ARHGEF26: variants seen among roughly 807,000 people sequenced by gnomAD.
The protein encoded by ARHGEF26 is Rho guanine nucleotide exchange factor 26, also known as Rho guanine nucleotide exchange factor (GEF) 26.
Under a neutral mutation model 89.4 loss-of-function variants are expected in ARHGEF26, and 59 were observed. The observed-to-expected ratio is 0.66, with a 90% CI of 0.54 to 0.82. The LOEUF is 0.82. Among genes scored for constraint, ARHGEF26 ranks in the 40% least tolerant of loss-of-function variants. The pLI is 0.00. For missense variants in ARHGEF26, 1,234 were observed against 1,085.6 expected (o/e 1.14, Z -1.92); for synonymous variants, 500 against 428.4 (o/e 1.17, Z -2.06).
intron 9 of ARHGEF26, among the ~76,000 whole-genome samples, chr3:154,210,631 G>A (rs564986183): frequency 1.3e-4 from 20 of 151,828 alleles, no homozygotes; most frequent in African/African-American, 3.6e-4. Flanking sequence ...TGCATTTGGC[G>A]CCAGGGTATG....
Position 154,194,729 on chromosome 3 carries a change from GGTGACA to G in ARHGEF26, c.1845+14_1845+19del. On this transcript the variant is annotated intron_variant, in intron 9 of 14. Coordinates refer to ENST00000465093, the MANE Select transcript of ARHGEF26 (RefSeq NM_015595.4). ...AAGGAAGTTAGCAAGGTAACTGTTG[GGTGACA>G]GTTTGTTTGTAAGACAGGAAACCAT... 6.2e-7 allele frequency: 1 copy of G among 1,606,694 alleles called. No homozygotes were observed. The highest frequency in any genetic ancestry group is 1.7e-5 in the Admixed American group (1 of 59,454).
intron 7 of ARHGEF26, among the ~76,000 whole-genome samples, chr3:154,190,813 C>A (rs1713910060): frequency 6.6e-6 from 1 of 152,170 alleles, no homozygotes; most frequent in African/African-American, 2.4e-5. Context: ...ATCTTTGTGG[C>A]CTAAAGCCTC....
At chr3:154,126,604 G>C (rs1317139211) in intron 3 of ARHGEF26, among the ~76,000 whole-genome samples, 1 of 152,160 alleles carries the variant, frequency 6.6e-6, no homozygotes. Flanking sequence ...ATGCTATCAT[G>C]ACAGTGTGAA....
chr3:154,185,383 A>G (rs1201426328), intron 6 of ARHGEF26, among the ~76,000 whole-genome samples: 3 of 152,064 alleles, frequency 2.0e-5, no homozygotes, highest in Non-Finnish European at 2.9e-5. Context: ...TTGGCTACAA[A>G]GTTGTGGGGG....
chr3:154,254,967 C>G, intron 14 of ARHGEF26, 143 bp downstream of exon 14: 1 of 716,090 alleles, frequency 1.4e-6, no homozygotes, highest in Non-Finnish European at 2.3e-6. Context: ...ACTGTCTTCT[C>G]ATCTCTAAGG....
intron 10 of ARHGEF26, among the ~76,000 whole-genome samples, chr3:154,220,580 A>G (rs1716065508): frequency 6.6e-6 from 1 of 152,190 alleles, no homozygotes; most frequent in Non-Finnish European, 1.5e-5. Flanking sequence ...GTGTGGGTAG[A>G]CTTGGGGTGC....
At chr3:154,121,014 C>A (rs1483357529), upstream of ARHGEF26, 1 of 152,236 alleles carries the variant, frequency 6.6e-6, no homozygotes, top group South Asian at 2.1e-4. Flanking sequence ...GAACTCTGCG[C>A]TACTGCCCAC....
At chr3:154,185,469 A>G (rs1318064356) in intron 6 of ARHGEF26, among the ~76,000 whole-genome samples, 4 of 152,070 alleles carry the variant, frequency 2.6e-5, no homozygotes, top group African/African-American at 7.2e-5. Flanking sequence ...AAGGTACTCT[A>G]CAATTTCTGC....
At chr3:154,186,476 C>A (rs1713560182) in intron 6 of ARHGEF26, among the ~76,000 whole-genome samples, 1 of 151,858 alleles carries the variant, frequency 6.6e-6, no homozygotes, top group South Asian at 2.1e-4. Flanking sequence ...ATCTGGTAAC[C>A]CTGGCCGGGT....
At chr3:154,250,366 G>A (rs1409862067) in intron 12 of ARHGEF26, among the ~76,000 whole-genome samples, 1 of 151,564 alleles carries the variant, frequency 6.6e-6, no homozygotes, top group African/African-American at 2.4e-5. Flanking sequence ...AAGTCCTGTG[G>A]ATTTGACAGC....
intron 6 of ARHGEF26, among the ~76,000 whole-genome samples, chr3:154,178,371 C>T (rs139618626): frequency 2.0e-4 from 31 of 152,124 alleles, no homozygotes; most frequent in Non-Finnish European, 2.1e-4. Context: ...AAAGAAATGC[C>T]CTACCCATTA....
At position 154,176,834 on chromosome 3, in the gene ARHGEF26, A is replaced by G. The variant is rs552530611; in HGVS notation, c.1488-10851A>G. ...CATATATATATCTTTTTATGAGATG[A>G]GGTTTTCCTACATTGCCCAGGCTAG... is the stretch of plus-strand genomic sequence containing the variant. On this transcript the variant is annotated intron_variant, in intron 6 of 14. Coordinates refer to ENST00000465093, the MANE Select transcript of ARHGEF26 (RefSeq NM_015595.4). 3.3e-5 allele frequency among the ~76,000 whole-genome samples: 5 copies of G among 152,260 alleles called. No individual in the cohort carries two copies. The East Asian group carries it at 9.7e-4, about 29-fold the overall frequency.
At chr3:154,151,912 T>C (rs1407486393) in intron 5 of ARHGEF26, among the ~76,000 whole-genome samples, 2 of 152,192 alleles carry the variant, frequency 1.3e-5, no homozygotes, top group Admixed American at 1.3e-4. Context: ...AGGAAGGCTG[T>C]GAATCTTAGG....
chr3:154,129,273 C>T (rs55817371), intron 3 of ARHGEF26, among the ~76,000 whole-genome samples: 1 of 152,184 alleles, frequency 6.6e-6, no homozygotes, highest in Non-Finnish European at 1.5e-5. Context: ...TGTAATTTAA[C>T]CTAAATTACA....
At chr3:154,234,778 T>C (rs568753943) in intron 11 of ARHGEF26, among the ~76,000 whole-genome samples, 1 of 152,180 alleles carries the variant, frequency 6.6e-6, no homozygotes. Context: ...AATTTTAATT[T>C]TTTTTGAAGC....
chr3:154,160,029 A>C (rs1015938278), intron 6 of ARHGEF26, among the ~76,000 whole-genome samples: 1 of 152,124 alleles, frequency 6.6e-6, no homozygotes, highest in East Asian at 1.9e-4. Context: ...CCATTACCTT[A>C]TTTTCCTGAA....
chr3:154,203,953 A>G (rs1156270439), intron 9 of ARHGEF26, among the ~76,000 whole-genome samples: 1 of 150,378 alleles, frequency 6.6e-6, no homozygotes, highest in Non-Finnish European at 1.5e-5. Flanking sequence ...ATTGTCCTGT[A>G]GTTTTCTTTT....
At position 154,152,748 on chromosome 3, in the gene ARHGEF26, ACATTT is replaced by A; in HGVS notation, c.1327-22_1327-18del. The stretch of plus-strand genomic sequence containing the variant: ...TTCTTTAATTAAAAGAATTAATAAT[ACATTT>A]CTTTTTCCTTCTTACCAGGCTATCT... On this transcript the variant is annotated intron_variant, in intron 5 of 14. Transcript: ENST00000465093. 7.0e-7 allele frequency: 1 copy of A among 1,423,188 alleles called. No homozygotes were observed. The highest frequency in any genetic ancestry group is 1.5e-5 in the African/African-American group (1 of 68,866). 88.2% of individuals were successfully genotyped at this position (1,423,188 alleles called of 1,614,324 possible). A position where few individuals can be genotyped will look rare whatever the true frequency, so the allele number is the denominator to read the frequency against.
chr3:154,235,296 A>G (rs1268239327), intron 11 of ARHGEF26, among the ~76,000 whole-genome samples: 1 of 152,192 alleles, frequency 6.6e-6, no homozygotes, highest in African/African-American at 2.4e-5. Context: ...TTATCTACAT[A>G]TAGAAGAAAC....
Sources: gnomAD v4.1 joint callset for allele counts (sites outside exome capture counted in the v4.1 genomes callset) on GRCh38, gnomAD v4.1.1 for gene constraint, MANE v1.5 for transcripts, NCBI Gene and HGNC (gene_info 2026-07-23, HGNC 2026-07-21) for gene names.